The following ACSL3 variants were observed in gnomAD, a reference collection of about 807,000 sequenced individuals.
The protein encoded by ACSL3 is acyl-CoA synthetase long chain family member 3.
ACSL3 carries 34 observed loss-of-function variants against 84.7 expected under a neutral mutation model. The observed-to-expected ratio is 0.40, with a 90% confidence interval of 0.31 to 0.53. ACSL3 has a LOEUF of 0.53. Among genes scored for constraint, ACSL3 ranks in the 20% least tolerant of loss-of-function variants. The probability of loss-of-function intolerance (pLI) is 0.48; values close to 1 mark genes in which losing one functional copy is unlikely to be tolerated. For missense variants in ACSL3, 680 were observed against 873.1 expected (o/e 0.78, Z 2.79); for synonymous variants, 315 against 299.4 (o/e 1.05, Z -0.54).
chr2:222,931,866 C>T lies in ACSL3; in HGVS notation c.1732+1054C>T, dbSNP rs548353166. Among the ~76,000 whole-genome samples, 8 of 152,226 alleles carry T rather than the reference C, an allele frequency of 5.3e-5. No homozygotes were observed. The South Asian group carries it at 1.7e-3, about 32-fold the overall frequency. ...TCTGGCTTTTGCCAGTGTTGTTGCA[C>T]CTGACCTCTCACTTTTCCCTTAGGA... On this transcript the variant is annotated intron_variant, in intron 14 of 16. Transcript: ENST00000357430.
Position 222,879,871 on chromosome 2 carries a change from A to G in ACSL3, c.-206-7959A>G, listed in dbSNP as rs1005631692. Among the ~76,000 whole-genome samples, 13 of 152,238 alleles carry G rather than the reference A, an allele frequency of 8.5e-5. No individual in the cohort carries two copies. The East Asian group carries it at 2.5e-3, about 29-fold the overall frequency. The stretch of plus-strand genomic sequence containing the variant: ...TGACATCACTGGAGACTGTTTCAGA[A>G]TCAGAATAAAGACCAATAATAAACC... On this transcript the variant is annotated intron_variant, in intron 1 of 16. Transcript: ENST00000357430.
At chr2:222,875,421 G>A (rs1695421607) in intron 1 of ACSL3, among the ~76,000 whole-genome samples, 2 of 152,176 alleles carry the variant, frequency 1.3e-5, no homozygotes, top group South Asian at 2.1e-4. Flanking sequence ...GTTGATCTGT[G>A]TAGTGCCAGT....
intron 7 of ACSL3, 124 bp downstream of exon 7, chr2:222,919,326 A>G: frequency 8.9e-7 from 1 of 1,128,124 alleles, no homozygotes; most frequent in Non-Finnish European, 1.2e-6. Context: ...ATCAGTTAGG[A>G]AAACAGGTCC....
chr2:222,918,115 A>G lies in ACSL3; in HGVS notation c.626A>G (p.Asn209Ser). The G allele has an allele frequency of 6.2e-7, 1 of 1,612,530 alleles. No individual in the cohort carries two copies. The highest frequency in any genetic ancestry group is 8.5e-7 in the Non-Finnish European group (1 of 1,179,066). Residue 209 changes from asparagine (N) to serine (S), a missense_variant, in exon 6 of 17, where the codon AAC becomes AGC. Transcript: ENST00000357430. ...VHALNETEVT[N>S]IITSKELLQT... ...GCATTAAATGAAACAGAGGTGACCA[A>G]CATCATTACTAGTAAAGAACTCTTA...
rs570674324 is a variant in ACSL3, at chr2:222,882,252, A to G, written c.-206-5578A>G. On this transcript the variant is annotated intron_variant, in intron 1 of 16. Transcript: ENST00000357430. ...GAAAGTCTGAAAATTTCTTTATTCT[A>G]CTTGCAATTGATTGGGAAATTAGCT... 2.2e-4 allele frequency among the ~76,000 whole-genome samples: 33 copies of G among 152,322 alleles called. No individual in the cohort carries two copies. In the East Asian group the frequency reaches 5.6e-3, roughly 26 times the overall value.
In ACSL3 at chr2:222,908,977, A is replaced by T; in HGVS notation, c.205A>T (p.Arg69Ter). Residue 69 changes from arginine to a stop codon, truncating the protein, a stop_gained, in exon 4 of 17, where the codon AGA (arginine) becomes TGA (stop). Transcript: ENST00000357430. LOFTEE classifies it high-confidence loss of function. ...AAATTCAAAACCTGATTCTGCATAC[A>T]GATCTGTTAATAGTTTGGATGGTTT... ...PVNSKPDSAYRSVNSLDGLAS... is the reference protein window; with the variant it reads ...PVNSKPDSAY The T allele has an allele frequency of 6.2e-7, 1 of 1,613,802 alleles. No homozygotes were observed. The highest frequency in any genetic ancestry group is 8.5e-7 in the Non-Finnish European group (1 of 1,179,862).
rs191223554 is a variant in ACSL3 at position 222,882,968 on chromosome 2, T to C, written c.-206-4862T>C. 5.5e-3 allele frequency among the ~76,000 whole-genome samples: 641 copies of C among 115,686 alleles called. 5 individuals are homozygous for C. Among genetic ancestry groups the C allele is most frequent in the Non-Finnish European group, 8.8e-3 (486 of 55,542 alleles). 75.9% of individuals were successfully genotyped at this position (115,686 alleles called of 152,430 possible). ...ATTTTTAGTAGCAATGGGGTTTCGC[T>C]GTGTTAGCCAGGATGGGCTCGAATC... On this transcript the variant is annotated intron_variant, in intron 1 of 16. Coordinates refer to ENST00000357430, the MANE Select transcript of ACSL3 (RefSeq NM_004457.5).
rs1574517263 is a variant in ACSL3 at position 222,873,785 on chromosome 2, A to G, written c.-207+12527A>G. Among the ~76,000 whole-genome samples the G allele has an allele frequency of 2.6e-5, 4 of 152,216 alleles. No homozygotes were observed. The East Asian group carries it at 7.7e-4, about 29-fold the overall frequency. On this transcript the variant is annotated intron_variant, in intron 1 of 16. Coordinates refer to ENST00000357430, the MANE Select transcript of ACSL3 (RefSeq NM_004457.5). ...TAATGTACTTTACCATTTCCCAATT[A>G]TTAGATTTGCATATTTTCATTACCC...
chr2:222,936,606 C>A (rs1174899041), intron 16 of ACSL3, among the ~76,000 whole-genome samples: 2 of 44,138 alleles, frequency 4.5e-5, no homozygotes, highest in Non-Finnish European at 8.4e-5. Flanking sequence ...AATTCTGCAC[C>A]CTCCCCCCCC....
intron 1 of ACSL3, among the ~76,000 whole-genome samples, chr2:222,871,422 T>C (rs1695299961): frequency 6.6e-6 from 1 of 151,962 alleles, no homozygotes; most frequent in Admixed American, 6.6e-5. Flanking sequence ...GTTCTGGGCT[T>C]AGATGTTTAT....
intron 14 of ACSL3, 27 bp from the exon 15 acceptor site, chr2:222,933,139 C>T: frequency 7.1e-7 from 1 of 1,407,722 alleles, no homozygotes; most frequent in Non-Finnish European, 1.0e-6. Flanking sequence ...CATTGTTTTC[C>T]CCTCTCCACC....
rs751176068 is a variant in ACSL3 at position 222,918,010 on chromosome 2, T to C, written c.557-36T>C. On this transcript the variant is annotated intron_variant, in intron 5 of 16. Transcript: ENST00000357430. ...GAGACTTTACATTTGTAGTTAAATG[T>C]TTGAATATTTGACTGGCTGCTGCTT... 2.1e-5 allele frequency: 31 copies of C among 1,452,068 alleles called. No homozygotes were observed. The African/African-American group carries it at 4.1e-4, about 19-fold the overall frequency. The allele number at this position is 1,452,068 out of a possible 1,614,324, so 89.9% of individuals were successfully genotyped here.
Position 222,927,150 on chromosome 2 carries a change from G to A in ACSL3, c.1426G>A (p.Gly476Arg). ...CTGCTGTCCTGTTGGTCAGGGATAC[G>A]GGCTCACTGAATCTGCTGGGGCTGG... ...CFCCPVGQGYGLTESAGAGTI... is the reference protein window; with the variant it reads ...CFCCPVGQGYRLTESAGAGTI... The change falls in exon 12 of 17, where the codon GGG becomes AGG. Residue 476 changes from glycine to arginine, a missense_variant. By Grantham distance (125) the Gly-to-Arg change is moderately radical (BLOSUM62 -2). Transcript: ENST00000357430. The A allele has an allele frequency of 6.2e-7, 1 of 1,614,050 alleles. No homozygotes were observed. The highest frequency in any genetic ancestry group is 8.5e-7 in the Non-Finnish European group (1 of 1,179,934).
chr2:222,893,512 G>T (rs1223923402), intron 2 of ACSL3, among the ~76,000 whole-genome samples: 1 of 152,070 alleles, frequency 6.6e-6, no homozygotes, highest in Admixed American at 6.5e-5. Flanking sequence ...TTACCATGTT[G>T]TATCTCTCTT....
intron 9 of ACSL3, 74 bp from the exon 10 acceptor site, chr2:222,923,004 T>A: frequency 2.2e-6 from 3 of 1,383,890 alleles, no homozygotes; most frequent in Non-Finnish European, 3.0e-6. Context: ...ATAATAGGCT[T>A]TTTGATCTAA....
intron 1 of ACSL3, among the ~76,000 whole-genome samples, chr2:222,875,486 A>T (rs145537242): frequency 9.3e-4 from 141 of 152,262 alleles, no homozygotes; most frequent in African/African-American, 3.1e-3. Context: ...TTGGCTTTTC[A>T]CTGATTGATT....
intron 1 of ACSL3, among the ~76,000 whole-genome samples, chr2:222,876,573 C>T (rs1695456336): frequency 6.6e-6 from 1 of 152,170 alleles, no homozygotes; most frequent in Non-Finnish European, 1.5e-5. Context: ...CCTCCTGCCT[C>T]AGTTACCCAA....
At chr2:222,870,493 GA>G (rs1695271312) in intron 1 of ACSL3, among the ~76,000 whole-genome samples, 1 of 152,190 alleles carries the variant, frequency 6.6e-6, no homozygotes, top group Non-Finnish European at 1.5e-5. Flanking sequence ...AATTACAAAA[GA>G]AAATGAGTGC....
At chr2:222,929,661 C>G (rs1696971582) in intron 13 of ACSL3, among the ~76,000 whole-genome samples, 1 of 151,880 alleles carries the variant, frequency 6.6e-6, no homozygotes, top group Non-Finnish European at 1.5e-5. Context: ...GCCTGTAATT[C>G]CAGCTACTCG....
Sources: gnomAD v4.1 joint callset for allele counts (sites outside exome capture counted in the v4.1 genomes callset) on GRCh38, gnomAD v4.1.1 for gene constraint, MANE v1.5 for transcripts, NCBI Gene and HGNC (gene_info 2026-07-23, HGNC 2026-07-21) for gene names.